Variants in KLF12 observed in about 807,000 individuals in gnomAD.
KLF12 encodes the protein Krueppel-like factor 12.
A neutral mutation model predicts 37.8 loss-of-function variants in KLF12; 9 were observed. The observed-to-expected ratio is 0.24, with a 90% CI of 0.14 to 0.42. The LOEUF is 0.42. Among genes scored for constraint, KLF12 ranks in the 10% least tolerant of loss-of-function variants. The pLI is 1.00. For synonymous variants in KLF12, 208 were observed against 202.1 expected (o/e 1.03, Z -0.25); for missense variants, 411 against 516.0 (o/e 0.80, Z 1.97).
Position 74,082,609 on chromosome 13 carries a change from C to T in KLF12, c.-32+51130G>A, listed in dbSNP as rs377076743. ...TAAACATCTGCTCTGCTAAGAAAGA[C>T]CAAATACAAGTTGTTTTTAGTGAAG... is the stretch of plus-strand genomic sequence containing the variant. On this transcript the variant is annotated intron_variant, in intron 1 of 7. Coordinates refer to ENST00000377669, the MANE Select transcript of KLF12 (RefSeq NM_007249.5). Among the ~76,000 whole-genome samples, 4 of 152,136 alleles carry T rather than the reference C, an allele frequency of 2.6e-5. No homozygotes were observed. In the East Asian group the frequency reaches 5.8e-4, roughly 22 times the overall value.
chr13:73,775,964 G>A (rs756335858), intron 5 of KLF12, among the ~76,000 whole-genome samples: 7 of 151,998 alleles, frequency 4.6e-5, no homozygotes, highest in South Asian at 2.1e-4. Context: ...AAAATTTTAC[G>A]TCGTTTGGTT....
At chr13:73,872,487 C>T (rs1352473801) in intron 3 of KLF12, among the ~76,000 whole-genome samples, 1 of 152,172 alleles carries the variant, frequency 6.6e-6, no homozygotes, top group Non-Finnish European at 1.5e-5. Flanking sequence ...TGACCCCTCA[C>T]ATGAGAACTG....
chr13:73,841,081 T>A (rs1050327696), intron 4 of KLF12, among the ~76,000 whole-genome samples: 1 of 152,176 alleles, frequency 6.6e-6, no homozygotes, highest in African/African-American at 2.4e-5. Flanking sequence ...ACTTGTAGCA[T>A]CTGATACACA....
intron 3 of KLF12, among the ~76,000 whole-genome samples, chr13:73,918,200 G>C (rs1888938304): frequency 6.6e-6 from 1 of 152,074 alleles, no homozygotes; most frequent in Admixed American, 6.6e-5. Flanking sequence ...CAGCTCAAAA[G>C]GGAATGCAGA....
chr13:74,010,992 T>A (rs759979879), intron 1 of KLF12, among the ~76,000 whole-genome samples: 34 of 152,356 alleles, frequency 2.2e-4, no homozygotes, highest in Non-Finnish European at 2.4e-4. Context: ...TTTAAAAATT[T>A]AATCTATTCC....
the KLF12 span, among the ~76,000 whole-genome samples, chr13:74,149,424 A>C: frequency 2.0e-5 from 3 of 152,144 alleles, no homozygotes; most frequent in Admixed American, 2.0e-4. Context: ...TGTTAGCTTA[A>C]AAAGCTTAGT....
chr13:74,005,428 T>C (rs373418027), intron 1 of KLF12, among the ~76,000 whole-genome samples: 1 of 152,204 alleles, frequency 6.6e-6, no homozygotes, highest in Non-Finnish European at 1.5e-5. Flanking sequence ...AAAGACATCG[T>C]ATAACATATA....
chr13:74,088,253 T>C (rs9543529), intron 1 of KLF12, among the ~76,000 whole-genome samples: 19,449 of 151,970 alleles, frequency 0.13, 1,483 homozygotes, highest in Non-Finnish European at 0.18. Context: ...ATTACACTGA[T>C]AAAAAGTGTG....
intron 3 of KLF12, among the ~76,000 whole-genome samples, chr13:73,903,534 A>G (rs1051186186): frequency 1.3e-5 from 2 of 152,240 alleles, no homozygotes; most frequent in African/African-American, 4.8e-5. Flanking sequence ...TTGTATACTT[A>G]CTGGTAAATG....
chr13:73,894,909 G>A (rs897860906), intron 3 of KLF12, among the ~76,000 whole-genome samples: 7 of 152,118 alleles, frequency 4.6e-5, no homozygotes, highest in African/African-American at 1.7e-4. Context: ...GAGGATTATA[G>A]AGTAATAGTT....
intron 3 of KLF12, among the ~76,000 whole-genome samples, chr13:73,859,115 C>CT (rs1458566019): frequency 6.6e-6 from 1 of 152,132 alleles, no homozygotes; most frequent in Non-Finnish European, 1.5e-5. Context: ...GTCATTAGGT[C>CT]TTTTCTGGGG....
chr13:73,699,375 GA>G (rs1270049914), intron 7 of KLF12, among the ~76,000 whole-genome samples: 1 of 151,894 alleles, frequency 6.6e-6, no homozygotes, highest in Non-Finnish European at 1.5e-5. Context: ...GACCAGGCAA[GA>G]CCCCGCCTCC....
intron 7 of KLF12, among the ~76,000 whole-genome samples, 198 bp from the exon 8 acceptor site, chr13:73,695,869 T>C (rs1335754323): frequency 6.6e-6 from 1 of 152,210 alleles, no homozygotes; most frequent in African/African-American, 2.4e-5. Context: ...TGCTGTGACA[T>C]CTGGCAAGCT....
At chr13:73,741,467 A>G (rs1230988720) in intron 6 of KLF12, among the ~76,000 whole-genome samples, 1 of 152,200 alleles carries the variant, frequency 6.6e-6, no homozygotes, top group Non-Finnish European at 1.5e-5. Flanking sequence ...TTTACAAAGA[A>G]TTATGGCAAA....
intron 7 of KLF12, among the ~76,000 whole-genome samples, chr13:73,703,521 T>A (rs1463567654): frequency 6.6e-6 from 1 of 152,194 alleles, no homozygotes; most frequent in East Asian, 1.9e-4. Flanking sequence ...ATTAATTGGC[T>A]ATCTTTTTCA....
chr13:74,220,668 C>A, the KLF12 span, among the ~76,000 whole-genome samples: 1 of 152,022 alleles, frequency 6.6e-6, no homozygotes, highest in Non-Finnish European at 1.5e-5. Context: ...CGATCAACAT[C>A]TCCCTGGTCT....
rs554505453 is a variant in KLF12 at position 73,778,808 on chromosome 13, A to C, written c.807-13808T>G. Among the ~76,000 whole-genome samples, 24 of 152,290 alleles carry C rather than the reference A, an allele frequency of 1.6e-4. No homozygotes were observed. The East Asian group carries it at 4.6e-3, about 29-fold the overall frequency. ...CATACCATGGTTGAAACTCAAGTCC[A>C]GGCCTGAGGGACTACCATGCCACAC... On this transcript the variant is annotated intron_variant, in intron 5 of 7. Coordinates refer to ENST00000377669, the MANE Select transcript of KLF12 (RefSeq NM_007249.5).
chr13:73,756,076 A>C (rs1446774259), intron 6 of KLF12, among the ~76,000 whole-genome samples: 1 of 152,162 alleles, frequency 6.6e-6, no homozygotes, highest in East Asian at 1.9e-4. Context: ...AGGTGATGCT[A>C]TGAAGAGTCT....
intron 1 of KLF12, among the ~76,000 whole-genome samples, chr13:74,132,990 C>T (rs945768293): frequency 2.6e-5 from 4 of 152,170 alleles, no homozygotes; most frequent in Non-Finnish European, 5.9e-5. Flanking sequence ...CCCAGGCCGG[C>T]TCTGCGGGTT....
Sources: gnomAD v4.1 joint callset for allele counts (sites outside exome capture counted in the v4.1 genomes callset) on GRCh38, gnomAD v4.1.1 for gene constraint, MANE v1.5 for transcripts, NCBI Gene and HGNC (gene_info 2026-07-23, HGNC 2026-07-21) for gene names.